Variants in SPATA16 observed in about 807,000 individuals in gnomAD.
SPATA16 encodes the protein spermatogenesis associated 16.
SPATA16 carries 36 observed loss-of-function variants against 63.3 expected under a neutral mutation model. That is an observed-to-expected ratio of 0.57 (90% CI 0.44 to 0.75). The LOEUF (loss-of-function observed/expected upper bound fraction) is 0.75. Among genes scored for constraint, SPATA16 ranks in the 30% least tolerant of loss-of-function variants. The probability of loss-of-function intolerance (pLI) is 0.00; values close to 1 mark genes in which losing one functional copy is unlikely to be tolerated. For synonymous variants in SPATA16, 203 were observed against 216.7 expected, an observed-to-expected ratio of 0.94 and a Z score of 0.56; for missense variants, 646 against 679.3, an observed-to-expected ratio of 0.95 and a Z score of 0.54.
chr3:173,056,705 CAAAAAAAAA>C (rs71162325), intron 2 of SPATA16, among the ~76,000 whole-genome samples: 32 of 73,598 alleles, frequency 4.3e-4, no homozygotes, highest in Non-Finnish European at 6.6e-4. Flanking sequence ...ACTCTTGTTT[CAAAAAAAAA>C]AAAAAAAAAA....
intron 1 of SPATA16, among the ~76,000 whole-genome samples, chr3:173,136,322 T>C (rs1331451690): frequency 6.6e-6 from 1 of 152,188 alleles, no homozygotes; most frequent in African/African-American, 2.4e-5. Flanking sequence ...ATTTTTTACT[T>C]TTATTTTTAT....
chr3:172,950,647 C>T (rs1733407620), intron 6 of SPATA16, among the ~76,000 whole-genome samples: 1 of 151,986 alleles, frequency 6.6e-6, no homozygotes, highest in Non-Finnish European at 1.5e-5. Context: ...TTTTAGACAA[C>T]ATAAGAATGT....
intron 4 of SPATA16, among the ~76,000 whole-genome samples, chr3:173,002,881 C>T (rs897505150): frequency 2.6e-5 from 4 of 152,114 alleles, no homozygotes; most frequent in Non-Finnish European, 4.4e-5. Context: ...ATAGCAGATT[C>T]CTAGCTCTCT....
intron 6 of SPATA16, among the ~76,000 whole-genome samples, chr3:172,936,719 T>A (rs149966808): frequency 6.6e-6 from 1 of 152,138 alleles, no homozygotes; most frequent in East Asian, 1.9e-4. Flanking sequence ...ATTTATTTAT[T>A]TTTTTTGAGA....
intron 2 of SPATA16, among the ~76,000 whole-genome samples, chr3:173,065,100 C>T (rs1736483112): frequency 6.6e-6 from 1 of 152,140 alleles, no homozygotes; most frequent in Non-Finnish European, 1.5e-5. Flanking sequence ...ATTACGTTAA[C>T]AAAGTTTTTC....
At chr3:173,001,143 A>G (rs1004301743) in intron 4 of SPATA16, among the ~76,000 whole-genome samples, 2 of 152,216 alleles carry the variant, frequency 1.3e-5, no homozygotes, top group Non-Finnish European at 2.9e-5. Flanking sequence ...TACAAAGACT[A>G]TAAAGACTAC....
intron 3 of SPATA16, among the ~76,000 whole-genome samples, chr3:173,041,839 A>T (rs1340993844): frequency 2.0e-5 from 3 of 152,054 alleles, no homozygotes; most frequent in African/African-American, 7.2e-5. Context: ...GCATTAGGAG[A>T]TATACCTAAT....
intron 4 of SPATA16, among the ~76,000 whole-genome samples, chr3:172,993,070 G>A (rs981235152): frequency 6.6e-6 from 1 of 152,122 alleles, no homozygotes; most frequent in African/African-American, 2.4e-5. Flanking sequence ...TTATCCCCCA[G>A]TGGTTGGGGC....
intron 3 of SPATA16, among the ~76,000 whole-genome samples, chr3:173,023,711 A>C (rs948524153): frequency 2.6e-5 from 4 of 151,686 alleles, no homozygotes; most frequent in African/African-American, 7.2e-5. Flanking sequence ...GTTTTTTTAA[A>C]TAGAAGTTTT....
At chr3:172,896,499 G>A (rs946281505) in intron 10 of SPATA16, among the ~76,000 whole-genome samples, 1 of 152,190 alleles carries the variant, frequency 6.6e-6, no homozygotes, top group Non-Finnish European at 1.5e-5. Flanking sequence ...GGGATTACAG[G>A]CGTGAGCCAC....
intron 2 of SPATA16, among the ~76,000 whole-genome samples, chr3:173,056,310 A>C (rs1294337831): frequency 4.6e-5 from 7 of 152,146 alleles, no homozygotes; most frequent in African/African-American, 1.7e-4. Context: ...ATGATCTTTT[A>C]GTTTGTTAGT....
chr3:173,085,099 A>T (rs1737019002), intron 2 of SPATA16, among the ~76,000 whole-genome samples: 1 of 152,198 alleles, frequency 6.6e-6, no homozygotes. Flanking sequence ...TCTATAAATT[A>T]CTTTGGGCAG....
At chr3:172,954,435 G>T (rs1385252002) in intron 6 of SPATA16, among the ~76,000 whole-genome samples, 1 of 152,148 alleles carries the variant, frequency 6.6e-6, no homozygotes, top group Non-Finnish European at 1.5e-5. Flanking sequence ...ATGAGATTTG[G>T]GTGGAGACAC....
In SPATA16 at chr3:173,048,993, A is replaced by T. The variant is rs1476124176; in HGVS notation, c.714T>A (p.Tyr238Ter). Residue 238 changes from tyrosine to a stop codon, truncating the protein, a stop_gained, in exon 3 of 11, where the codon TAT (tyrosine) becomes TAA (stop). Transcript: ENST00000351008. LOFTEE classifies it high-confidence loss of function. ...SFIETKLVTC[Y>*]LRMRKPDLAL... ...CAAGATCTGGTTTCCTCATCCGTAG[A>T]TAACAGGTAACAAGCTTTGTCTCAA... 1.2e-6 allele frequency: 2 copies of T among 1,613,892 alleles called. No individual in the cohort carries two copies. The highest frequency in any genetic ancestry group is 1.7e-6 in the Non-Finnish European group (2 of 1,179,782).
At chr3:173,001,361 T>C (rs922417891) in intron 4 of SPATA16, among the ~76,000 whole-genome samples, 19 of 151,812 alleles carry the variant, frequency 1.3e-4, no homozygotes, top group African/African-American at 3.4e-4. Context: ...AATTAGGTTC[T>C]AGTAAAACCA....
chr3:173,087,887 G>A (rs1358185340), intron 2 of SPATA16, among the ~76,000 whole-genome samples: 2 of 152,040 alleles, frequency 1.3e-5, no homozygotes, highest in East Asian at 1.9e-4. Context: ...TCCACGGAGA[G>A]GTCTGCTGTT....
At chr3:172,931,052 G>C (rs569037017) in intron 6 of SPATA16, among the ~76,000 whole-genome samples, 110 of 151,190 alleles carry the variant, frequency 7.3e-4, no homozygotes, top group African/African-American at 2.4e-3. Flanking sequence ...TCGAACTCCT[G>C]ACCTCAGGTG....
intron 1 of SPATA16, among the ~76,000 whole-genome samples, chr3:173,120,117 A>T (rs1467222975): frequency 6.6e-6 from 1 of 151,926 alleles, no homozygotes; most frequent in African/African-American, 2.4e-5. Flanking sequence ...AGAAAAAAAG[A>T]AAGAAACATT....
intron 4 of SPATA16, among the ~76,000 whole-genome samples, chr3:173,016,172 A>G (rs935782559): frequency 2.0e-5 from 3 of 152,202 alleles, no homozygotes; most frequent in Non-Finnish European, 2.9e-5. Flanking sequence ...ATAATAAAAT[A>G]TCTCCATTTT....
Sources: allele counts gnomAD v4.1 joint callset (sites outside exome capture counted in the v4.1 genomes callset), GRCh38; gene constraint gnomAD v4.1.1; transcripts MANE v1.5; gene names NCBI Gene and HGNC (gene_info 2026-07-23, HGNC 2026-07-21).